Variants in ANTXR1 observed in about 807,000 individuals in gnomAD.
ANTXR1 encodes anthrax toxin receptor 1.
Under a neutral mutation model 78.1 loss-of-function variants are expected in ANTXR1, and 19 were observed. The observed-to-expected ratio is 0.24, with a 90% CI of 0.17 to 0.36. The LOEUF (loss-of-function observed/expected upper bound fraction) is 0.36, where lower values mean the gene tolerates loss of function less well. Ranked by LOEUF, ANTXR1 falls within the 10% of genes least tolerant of loss-of-function variation. The pLI, the probability that ANTXR1 is intolerant of heterozygous loss-of-function variation, is 1.00. For synonymous variants in ANTXR1, 273 were observed against 260.5 expected, an observed-to-expected ratio of 1.05 and a Z score of -0.46; for missense variants, 518 against 718.6, an observed-to-expected ratio of 0.72 and a Z score of 3.19.
At chr2:69,119,215 C>T (rs528701516) in intron 10 of ANTXR1, among the ~76,000 whole-genome samples, 49 of 152,250 alleles carry the variant, frequency 3.2e-4, no homozygotes, top group Admixed American at 1.4e-3. Flanking sequence ...CAGGCGCTAA[C>T]CCAGGAGCAG....
chr2:69,126,720 C>T (rs1440793360), intron 12 of ANTXR1, among the ~76,000 whole-genome samples: 1 of 151,964 alleles, frequency 6.6e-6, no homozygotes, highest in Admixed American at 6.6e-5. Flanking sequence ...AATCATGGGC[C>T]TCTAATTAAG....
intron 17 of ANTXR1, among the ~76,000 whole-genome samples, chr2:69,222,144 G>C (rs1675335236): frequency 6.6e-6 from 1 of 152,164 alleles, no homozygotes; most frequent in Non-Finnish European, 1.5e-5. Flanking sequence ...ACACTCATTT[G>C]CAAGTTCACC....
At chr2:69,071,096 AGACATCAATCCGTGCT>A (rs1242749859) in intron 4 of ANTXR1, among the ~76,000 whole-genome samples, 1 of 151,996 alleles carries the variant, frequency 6.6e-6, no homozygotes, top group African/African-American at 2.4e-5. Flanking sequence ...ATAAGGAATA[AGACATCAATCCGTGCT>A]GACAACTACA....
At chr2:69,209,118 A>G (rs1320384677) in intron 17 of ANTXR1, among the ~76,000 whole-genome samples, 1 of 152,212 alleles carries the variant, frequency 6.6e-6, no homozygotes, top group Non-Finnish European at 1.5e-5. Context: ...TCCCTGCAAC[A>G]TCATCACAGA....
chr2:69,121,590 T>C (rs1380721649), intron 10 of ANTXR1, among the ~76,000 whole-genome samples: 1 of 152,234 alleles, frequency 6.6e-6, no homozygotes, highest in Non-Finnish European at 1.5e-5. Flanking sequence ...TCAGCTATAT[T>C]CTGCAGTCAT....
At chr2:69,122,476 C>G (rs1406840567) in intron 10 of ANTXR1, among the ~76,000 whole-genome samples, 1 of 152,198 alleles carries the variant, frequency 6.6e-6, no homozygotes, top group Non-Finnish European at 1.5e-5. Context: ...GGAGTTCACT[C>G]ACTATTTTCT....
intron 7 of ANTXR1, among the ~76,000 whole-genome samples, chr2:69,076,762 A>G (rs1670744914): frequency 6.6e-6 from 1 of 152,220 alleles, no homozygotes. Context: ...GCAATCAGTA[A>G]AAACAATAAA....
At chr2:69,088,707 A>C (rs1383386027) in intron 8 of ANTXR1, among the ~76,000 whole-genome samples, 1 of 152,196 alleles carries the variant, frequency 6.6e-6, no homozygotes, top group Non-Finnish European at 1.5e-5. Context: ...GGATGCTAGC[A>C]AGTCCCAGTC....
In ANTXR1 at chr2:69,193,326, T is replaced by C. The variant is rs1181514097; in HGVS notation, c.1354-9T>C. 1 of 1,613,722 alleles carries C rather than the reference T, an allele frequency of 6.2e-7. No individual in the cohort carries two copies. Among genetic ancestry groups the C allele is most frequent in the Admixed American group, 1.7e-5 (1 of 59,992 alleles). The stretch of plus-strand genomic sequence containing the variant: ...CATATGTAATCTTGGTGCATTTGTT[T>C]TATTTCAGGGAAAACTCGATGCCTT... On this transcript the variant is annotated splice_polypyrimidine_tract_variant and intron_variant, in intron 16 of 17. Coordinates refer to ENST00000303714, the MANE Select transcript of ANTXR1 (RefSeq NM_032208.3).
Position 69,198,251 on chromosome 2 carries a change from G to A in ANTXR1, c.1434+4836G>A, listed in dbSNP as rs548051415. ...CCCTCACATTAGCCCCCTATGAAAC[G>A]CCCATCTCCCCAGATGCTCCTCAAT... On this transcript the variant is annotated intron_variant, in intron 17 of 17. Transcript: ENST00000303714. Among the ~76,000 whole-genome samples, 151 of 152,200 alleles carry A rather than the reference G, an allele frequency of 9.9e-4. 1 individual carries two copies. The highest frequency in any genetic ancestry group is 1.9e-3 in the Non-Finnish European group (127 of 68,004).
chr2:69,127,719 A>C (rs935298177), intron 12 of ANTXR1, among the ~76,000 whole-genome samples: 6 of 152,308 alleles, frequency 3.9e-5, no homozygotes, highest in African/African-American at 1.4e-4. Flanking sequence ...TTTTGAAAGC[A>C]GAGCTAATGA....
chr2:69,181,866 C>A lies in ANTXR1; in HGVS notation c.1170C>A (p.Gly390=), dbSNP rs1439401136. 1 of 1,613,944 alleles carries A rather than the reference C, an allele frequency of 6.2e-7. No homozygotes were observed. The highest frequency in any genetic ancestry group is 8.5e-7 in the Non-Finnish European group (1 of 1,179,984). ...ASYYGGRGVG[G]IKRMEVRWGE... ...ATTATGGTGGGAGAGGCGTTGGAGG[C>A]ATTAAAAGAATGGAGGTAAGAGGAC... Residue 390 remains glycine (G), a synonymous_variant, in exon 15 of 18, where the codon GGC becomes GGA. Transcript: ENST00000303714.
intron 17 of ANTXR1, among the ~76,000 whole-genome samples, chr2:69,199,414 G>C (rs1271940423): frequency 6.6e-6 from 1 of 152,156 alleles, no homozygotes; most frequent in Non-Finnish European, 1.5e-5. Flanking sequence ...TGGCCACCAA[G>C]CCGCCCCTTT....
At chr2:69,094,493 G>GT (rs1174768408) in intron 9 of ANTXR1, among the ~76,000 whole-genome samples, 2 of 152,222 alleles carry the variant, frequency 1.3e-5, no homozygotes, top group Non-Finnish European at 2.9e-5. Flanking sequence ...AGACAGATAT[G>GT]TAAAGAAGGT....
At chr2:69,155,432 T>G (rs988775649) in intron 13 of ANTXR1, among the ~76,000 whole-genome samples, 4 of 152,088 alleles carry the variant, frequency 2.6e-5, no homozygotes, top group Non-Finnish European at 5.9e-5. Context: ...TCCCAAATAA[T>G]AATAATAATA....
intron 16 of ANTXR1, among the ~76,000 whole-genome samples, chr2:69,184,848 C>T (rs967538537): frequency 8.5e-5 from 13 of 152,180 alleles, no homozygotes; most frequent in Non-Finnish European, 1.9e-4. Flanking sequence ...GTCAGAATCA[C>T]CTGAGAGTGA....
rs528692729 is a variant in ANTXR1 at position 69,068,328 on chromosome 2, G to A, written c.297-2319G>A. Among the ~76,000 whole-genome samples the A allele has an allele frequency of 6.6e-4, 100 of 152,326 alleles. 2 individuals are homozygous for A. The South Asian group carries it at 0.02, about 31-fold the overall frequency. On this transcript the variant is annotated intron_variant, in intron 3 of 17. Transcript: ENST00000303714. Reference sequence around the variant, plus strand: ...TTATTAGTTATAAAATATCTTAAGTGCTATAAAGCAAAATTGTGGGGTACC... The same window carrying A: ...TTATTAGTTATAAAATATCTTAAGTACTATAAAGCAAAATTGTGGGGTACC...
chr2:69,125,414 G>A (rs144789050), intron 12 of ANTXR1, among the ~76,000 whole-genome samples: 4 of 152,270 alleles, frequency 2.6e-5, no homozygotes, highest in African/African-American at 4.8e-5. Flanking sequence ...GTGGTTCCAC[G>A]GCATCCCCAG....
intron 17 of ANTXR1, among the ~76,000 whole-genome samples, chr2:69,221,590 G>T (rs1485790147): frequency 6.6e-6 from 1 of 151,830 alleles, no homozygotes; most frequent in Non-Finnish European, 1.5e-5. Context: ...TCACTGGATG[G>T]TGAAGAAGGG....
Sources: allele counts gnomAD v4.1 joint callset (sites outside exome capture counted in the v4.1 genomes callset), GRCh38; gene constraint gnomAD v4.1.1; transcripts MANE v1.5; gene names NCBI Gene and HGNC (gene_info 2026-07-23, HGNC 2026-07-21).